ATP8B4: variants seen among roughly 807,000 people sequenced by gnomAD.
The protein encoded by ATP8B4 is ATPase phospholipid transporting 8B4 (putative).
ATP8B4 carries 133 observed loss-of-function variants against 145.6 expected under a neutral mutation model. The observed-to-expected ratio is 0.91, with a 90% confidence interval of 0.79 to 1.05. The LOEUF is 1.05. Ranked by LOEUF, ATP8B4 falls within the 50% of genes least tolerant of loss-of-function variation. The pLI is 0.00. For synonymous variants in ATP8B4, 507 were observed against 492.9 expected (o/e 1.03, Z -0.38); for missense variants, 1,458 against 1,425.2 (o/e 1.02, Z -0.37).
intron 2 of ATP8B4, among the ~76,000 whole-genome samples, chr15:50,090,010 C>T: frequency 6.6e-6 from 1 of 152,136 alleles, no homozygotes. Flanking sequence ...GGTACATATA[C>T]ATCATGGAAT....
chr15:49,875,477 A>G (rs1164926685), intron 25 of ATP8B4, among the ~76,000 whole-genome samples: 1 of 152,232 alleles, frequency 6.6e-6, no homozygotes. Context: ...TCAAAAGACA[A>G]CAAAATAAAA....
chr15:49,954,912 T>C (rs1020262976), intron 14 of ATP8B4, among the ~76,000 whole-genome samples: 6 of 151,882 alleles, frequency 4.0e-5, no homozygotes, highest in Admixed American at 2.0e-4. Context: ...GCAAAAAACA[T>C]AGAATAAACC....
At chr15:50,070,509 T>C (rs1029043652) in intron 3 of ATP8B4, among the ~76,000 whole-genome samples, 1 of 152,192 alleles carries the variant, frequency 6.6e-6, no homozygotes, top group Non-Finnish European at 1.5e-5. Context: ...GGCATCCTTT[T>C]GGGTGTTCCC....
intron 14 of ATP8B4, among the ~76,000 whole-genome samples, chr15:49,937,304 G>A (rs2041819972): frequency 6.6e-6 from 1 of 152,164 alleles, no homozygotes; most frequent in South Asian, 2.1e-4. Flanking sequence ...CTAAGATCAA[G>A]GATGTAGCAG....
intron 1 of ATP8B4, among the ~76,000 whole-genome samples, chr15:50,124,366 T>C (rs1348165504): frequency 6.6e-6 from 1 of 152,150 alleles, no homozygotes; most frequent in Admixed American, 6.6e-5. Context: ...CTTTCCTGTG[T>C]GGGATTTTCC....
At chr15:49,996,796 G>A in intron 8 of ATP8B4, 37 bp from the exon 9 acceptor site, 1 of 1,542,026 alleles carries the variant, frequency 6.5e-7, no homozygotes, top group Non-Finnish European at 8.9e-7. Flanking sequence ...TTTTTATATG[G>A]AACAGCCCAA....
intron 26 of ATP8B4, 33 bp from the exon 27 acceptor site, chr15:49,862,408 T>C (rs1182131982): frequency 6.2e-7 from 1 of 1,605,594 alleles, no homozygotes; most frequent in Non-Finnish European, 8.5e-7. Context: ...TACACTGTGG[T>C]TACAAGTAGG....
chr15:50,145,420 T>C (rs1205145030), intron 1 of ATP8B4, among the ~76,000 whole-genome samples: 1 of 152,174 alleles, frequency 6.6e-6, no homozygotes, highest in Non-Finnish European at 1.5e-5. Context: ...TAGAGTTAAT[T>C]TTAAAAGTTA....
At chr15:50,101,311 C>T (rs1226403986) in intron 2 of ATP8B4, among the ~76,000 whole-genome samples, 1 of 152,038 alleles carries the variant, frequency 6.6e-6, no homozygotes, top group Non-Finnish European at 1.5e-5. Context: ...GGGTAAGTGT[C>T]ATGATGTCTA....
At chr15:49,907,780 T>C (rs1429865105) in intron 20 of ATP8B4, among the ~76,000 whole-genome samples, 1 of 152,254 alleles carries the variant, frequency 6.6e-6, no homozygotes, top group Non-Finnish European at 1.5e-5. Context: ...CCAGCTGACA[T>C]GAAGCCCATA....
intron 6 of ATP8B4, among the ~76,000 whole-genome samples, chr15:50,022,170 A>G (rs1367312933): frequency 6.6e-6 from 1 of 152,190 alleles, no homozygotes; most frequent in African/African-American, 2.4e-5. Flanking sequence ...AAAATGCAAC[A>G]ACAAGGGATA....
At chr15:49,868,607 C>G (rs144978993) in intron 25 of ATP8B4, among the ~76,000 whole-genome samples, 150 of 152,132 alleles carry the variant, frequency 9.9e-4, no homozygotes, top group African/African-American at 3.6e-3. Flanking sequence ...AAATATGTTA[C>G]AGGAGGAGCA....
intron 7 of ATP8B4, among the ~76,000 whole-genome samples, chr15:50,004,761 C>T (rs1712724036): frequency 7.5e-6 from 1 of 132,886 alleles, no homozygotes; most frequent in African/African-American, 3.1e-5. Context: ...GGGTAGGAGC[C>T]AGGATTTGAA....
intron 23 of ATP8B4, among the ~76,000 whole-genome samples, chr15:49,887,234 A>T (rs1214909673): frequency 1.3e-5 from 2 of 151,866 alleles, no homozygotes; most frequent in African/African-American, 4.8e-5. Flanking sequence ...CCTTGGAAAA[A>T]TTTTAAGGCC....
intron 14 of ATP8B4, 141 bp from the exon 15 acceptor site, chr15:49,934,323 T>A (rs1264640489): frequency 1.1e-6 from 1 of 910,230 alleles, no homozygotes; most frequent in Admixed American, 3.0e-5. Context: ...GGCTGTTTCA[T>A]CATTACTGTT....
At position 50,034,228 on chromosome 15, in the gene ATP8B4, G is replaced by GTT. The variant is rs35916300; in HGVS notation, c.362+4538_362+4539dup. 5.0e-3 allele frequency among the ~76,000 whole-genome samples: 619 copies of GTT among 123,692 alleles called. 3 individuals are homozygous for GTT. Among genetic ancestry groups the GTT allele is most frequent in the African/African-American group, 0.017 (564 of 33,314 alleles). The allele number at this position is 123,692 out of a possible 152,430, so 81.1% of individuals were successfully genotyped here. A position where few individuals can be genotyped will look rare whatever the true frequency, so the allele number is the denominator to read the frequency against. ...TGGATTAAATGGAATTCCTTTCCTT[G>GTT]TTTTTTTTTTTTTTTTTTTTAGAAA... is the stretch of plus-strand genomic sequence containing the variant. On this transcript the variant is annotated intron_variant, in intron 6 of 27. Coordinates refer to ENST00000284509, the MANE Select transcript of ATP8B4 (RefSeq NM_024837.4).
chr15:50,160,694 CTT>C (rs778091553), intron 1 of ATP8B4, among the ~76,000 whole-genome samples: 6 of 151,780 alleles, frequency 4.0e-5, no homozygotes, highest in Admixed American at 6.5e-5. Context: ...CAAAATTCCT[CTT>C]GTTACTGATT....
chr15:50,044,580 G>A lies in ATP8B4; in HGVS notation c.300+14C>T, dbSNP rs1360265032. 6.4e-7 allele frequency: 1 copy of A among 1,572,268 alleles called. No individual in the cohort carries two copies. Reference sequence around the variant, plus strand: ...AAATTGAGACCTCAAGAATGCTCAAGAGCAAATACTCACATAGTCATCTGT... The same window carrying A: ...AAATTGAGACCTCAAGAATGCTCAAAAGCAAATACTCACATAGTCATCTGT... On this transcript the variant is annotated intron_variant, in intron 5 of 27. Transcript: ENST00000284509.
chr15:50,000,914 T>G (rs1477081959), intron 8 of ATP8B4, among the ~76,000 whole-genome samples: 1 of 152,164 alleles, frequency 6.6e-6, no homozygotes, highest in East Asian at 1.9e-4. Context: ...GTCTTTTTTT[T>G]GAGAAAGTGG....
Sources: allele counts gnomAD v4.1 joint callset (sites outside exome capture counted in the v4.1 genomes callset), GRCh38; gene constraint gnomAD v4.1.1; transcripts MANE v1.5; gene names NCBI Gene and HGNC (gene_info 2026-07-23, HGNC 2026-07-21).